NRXN3: variants seen among roughly 807,000 people sequenced by gnomAD.
NRXN3 encodes the protein neurexin III.
A neutral mutation model predicts 137.6 loss-of-function variants in NRXN3; 32 were observed. The ratio of observed to expected loss-of-function variants is 0.23; its 90% CI spans 0.18 to 0.31. The LOEUF (loss-of-function observed/expected upper bound fraction) is 0.31, where lower values mean the gene tolerates loss of function less well. Ranked by LOEUF, NRXN3 falls within the 10% of genes least tolerant of loss-of-function variation. NRXN3 has a pLI of 1.00. For synonymous variants in NRXN3, 798 were observed against 784.5 expected, an observed-to-expected ratio of 1.02 and a Z score of -0.29; for missense variants, 1,574 against 2,062.5, an observed-to-expected ratio of 0.76 and a Z score of 4.59.
intron 1 of NRXN3, among the ~76,000 whole-genome samples, chr14:78,187,140 G>C (rs2060295255): frequency 6.6e-6 from 1 of 152,154 alleles, no homozygotes; most frequent in African/African-American, 2.4e-5. Flanking sequence ...CCATGAGGCA[G>C]GTATTAGTGT....
intron 19 of NRXN3, among the ~76,000 whole-genome samples, chr14:79,782,916 C>G (rs2099118358): frequency 6.6e-6 from 1 of 151,998 alleles, no homozygotes; most frequent in African/African-American, 2.4e-5. Flanking sequence ...TAGAATAGCA[C>G]CTGGATTCAG....
chr14:78,845,977 C>T lies in NRXN3; in HGVS notation c.2275+35633C>T, dbSNP rs142609247. Among the ~76,000 whole-genome samples, 23 of 151,344 alleles carry T rather than the reference C, an allele frequency of 1.5e-4. No homozygotes were observed. The East Asian group carries it at 2.5e-3, about 17-fold the overall frequency. ...AAGATTTTACTTTTTACTCAGCCAA[C>T]GCTTTAGAGATCTTCTGAGTTTCCA... On this transcript the variant is annotated intron_variant, in intron 10 of 20. Transcript: ENST00000335750.
At chr14:78,752,831 C>G (rs917011570) in intron 8 of NRXN3, among the ~76,000 whole-genome samples, 7 of 152,108 alleles carry the variant, frequency 4.6e-5, no homozygotes, top group African/African-American at 1.7e-4. Context: ...GGTTGTAAGC[C>G]TGGTCATTAG....
At chr14:78,618,258 CTTT>C (rs79670263) in intron 4 of NRXN3, among the ~76,000 whole-genome samples, 9 of 142,594 alleles carry the variant, frequency 6.3e-5, no homozygotes, top group South Asian at 2.3e-4. Context: ...TGTGCTATAC[CTTT>C]TTTTTTTTTT....
intron 19 of NRXN3, among the ~76,000 whole-genome samples, chr14:79,713,607 A>G (rs897262010): frequency 2.3e-5 from 3 of 132,342 alleles, no homozygotes; most frequent in Admixed American, 7.6e-5. Flanking sequence ...ATACATATAC[A>G]TATACATATG....
chr14:79,074,999 G>T (rs1185443979), intron 15 of NRXN3, among the ~76,000 whole-genome samples: 1 of 152,178 alleles, frequency 6.6e-6, no homozygotes, highest in East Asian at 1.9e-4. Context: ...GCAAATTGTT[G>T]TAGGGAAGTG....
chr14:78,459,076 C>T (rs575757137), intron 4 of NRXN3, among the ~76,000 whole-genome samples: 6 of 152,268 alleles, frequency 3.9e-5, no homozygotes, highest in South Asian at 2.1e-4. Context: ...TCAAATTCTG[C>T]GTTTATTCAG....
chr14:79,021,518 A>G (rs575403372), intron 15 of NRXN3, among the ~76,000 whole-genome samples: 33 of 152,284 alleles, frequency 2.2e-4, no homozygotes, highest in African/African-American at 7.5e-4. Context: ...AAGTGCCTCT[A>G]CTTACTTGGA....
chr14:78,273,308 A>C (rs80144083), intron 2 of NRXN3, among the ~76,000 whole-genome samples: 26,454 of 152,230 alleles, frequency 0.17, 2,619 homozygotes, highest in Middle Eastern at 0.24. Flanking sequence ...CTGTAAAATG[A>C]GTGTGGTAAT....
At chr14:78,770,740 G>A (rs1312711015) in intron 8 of NRXN3, among the ~76,000 whole-genome samples, 1 of 152,064 alleles carries the variant, frequency 6.6e-6, no homozygotes, top group African/African-American at 2.4e-5. Context: ...AAAGTAAATT[G>A]CAAAGAAGAT....
chr14:79,548,117 C>T (rs1264968211), intron 16 of NRXN3, among the ~76,000 whole-genome samples: 1 of 151,802 alleles, frequency 6.6e-6, no homozygotes, highest in African/African-American at 2.4e-5. Context: ...ATACATATGC[C>T]ATGGTGGTTT....
rs17108011 is a variant in NRXN3 at position 78,646,369 on chromosome 14, C to T, written c.1059+948C>T. On this transcript the variant is annotated intron_variant, in intron 5 of 20. Transcript: ENST00000335750. ...AGGTTGCCATTTTCACTTGGTTTTT[C>T]TATTTGCGAATCTGTTGTTAAACCC... Among the ~76,000 whole-genome samples, 1,252 of 152,290 alleles carry T rather than the reference C, an allele frequency of 8.2e-3. 89 individuals carry two copies. The East Asian group carries it at 0.18, about 22-fold the overall frequency.
At chr14:79,457,749 C>A (rs1486195038) in intron 15 of NRXN3, among the ~76,000 whole-genome samples, 2 of 152,102 alleles carry the variant, frequency 1.3e-5, no homozygotes, top group African/African-American at 4.8e-5. Context: ...TGGAAATAAG[C>A]AACTGCTTTT....
intron 15 of NRXN3, among the ~76,000 whole-genome samples, chr14:79,225,681 A>G (rs549484943): frequency 6.6e-6 from 1 of 152,342 alleles, no homozygotes; most frequent in East Asian, 1.9e-4. Context: ...ATAAAAGTTG[A>G]AATTATTTTT....
intron 16 of NRXN3, among the ~76,000 whole-genome samples, chr14:79,541,067 T>A (rs2097267371): frequency 6.6e-6 from 1 of 152,154 alleles, no homozygotes; most frequent in East Asian, 1.9e-4. Flanking sequence ...TGTCTTTACA[T>A]TGCCTTCTCT....
At chr14:79,722,175 A>G (rs923796170) in intron 19 of NRXN3, among the ~76,000 whole-genome samples, 1 of 151,940 alleles carries the variant, frequency 6.6e-6, no homozygotes, top group Non-Finnish European at 1.5e-5. Flanking sequence ...GGTTAAATAC[A>G]CCCCTCCTCT....
At chr14:78,187,266 T>G (rs953304708) in intron 1 of NRXN3, among the ~76,000 whole-genome samples, 21 of 45,978 alleles carry the variant, frequency 4.6e-4, no homozygotes, top group South Asian at 1.0e-3. Context: ...TGTGTGTGTG[T>G]TTTTTTTTTT....
At chr14:79,475,776 A>T (rs905553406) in intron 16 of NRXN3, among the ~76,000 whole-genome samples, 1 of 152,114 alleles carries the variant, frequency 6.6e-6, no homozygotes, top group Non-Finnish European at 1.5e-5. Context: ...ATAAACTTTA[A>T]TCAGGCCTCT....
chr14:78,808,880 A>G lies in NRXN3; in HGVS notation c.2249-1438A>G, dbSNP rs574950739. Reference sequence around the variant, plus strand: ...TGGCATCATCCTTGACAAGTCCTCTAAAAACTACTGGGTCAACCTTAAGCA... The same window carrying G: ...TGGCATCATCCTTGACAAGTCCTCTGAAAACTACTGGGTCAACCTTAAGCA... On this transcript the variant is annotated intron_variant, in intron 9 of 20. Coordinates refer to ENST00000335750, the MANE Select transcript of NRXN3 (RefSeq NM_001330195.2). Among the ~76,000 whole-genome samples, 4 of 152,232 alleles carry G rather than the reference A, an allele frequency of 2.6e-5. No homozygotes were observed. In the South Asian group the frequency reaches 8.3e-4, roughly 32 times the overall value.
Sources: gnomAD v4.1 joint callset for allele counts (sites outside exome capture counted in the v4.1 genomes callset) on GRCh38, gnomAD v4.1.1 for gene constraint, MANE v1.5 for transcripts, NCBI Gene and HGNC (gene_info 2026-07-23, HGNC 2026-07-21) for gene names.